The following CDH10 variants were observed in gnomAD, a reference collection of about 807,000 sequenced individuals.
CDH10 encodes cadherin-10.
A neutral mutation model predicts 73.1 loss-of-function variants in CDH10; 30 were observed. The ratio of observed to expected loss-of-function variants is 0.41; its 90% CI spans 0.31 to 0.56. The LOEUF is 0.56. Ranked by LOEUF, CDH10 falls within the 20% of genes least tolerant of loss-of-function variation. CDH10 has a pLI of 0.27. For missense variants in CDH10, 815 were observed against 973.7 expected, an observed-to-expected ratio of 0.84 and a Z score of 2.17; for synonymous variants, 345 against 348.2, an observed-to-expected ratio of 0.99 and a Z score of 0.10.
chr5:24,633,253 A>G (rs1747761541), intron 1 of CDH10, among the ~76,000 whole-genome samples: 1 of 151,814 alleles, frequency 6.6e-6, no homozygotes, highest in South Asian at 2.1e-4. Flanking sequence ...TACTAGTAAA[A>G]TTACAAGCAG....
chr5:24,526,826 C>A (rs1258959793), intron 5 of CDH10, among the ~76,000 whole-genome samples: 1 of 151,704 alleles, frequency 6.6e-6, no homozygotes, highest in Non-Finnish European at 1.5e-5. Flanking sequence ...AGCATTTTAT[C>A]TTTTTATTCA....
intron 1 of CDH10, among the ~76,000 whole-genome samples, chr5:24,620,821 A>G (rs1459136778): frequency 6.6e-6 from 1 of 152,164 alleles, no homozygotes; most frequent in South Asian, 2.1e-4. Context: ...TGTTGACAGA[A>G]GAGGCACAAA....
chr5:24,548,370 C>G (rs573935960), intron 2 of CDH10, among the ~76,000 whole-genome samples: 1 of 151,990 alleles, frequency 6.6e-6, no homozygotes, highest in South Asian at 2.1e-4. Flanking sequence ...ATACACCTGC[C>G]TTGGCCTCCC....
chr5:24,586,150 A>G (rs1745986186), intron 2 of CDH10, among the ~76,000 whole-genome samples: 1 of 152,198 alleles, frequency 6.6e-6, no homozygotes. Context: ...TTCCTACTTG[A>G]TAATATACCT....
chr5:24,535,292 T>A lies in CDH10; in HGVS notation c.647-13A>T. 3 of 1,595,484 alleles carry A rather than the reference T, an allele frequency of 1.9e-6. No homozygotes were observed. Among genetic ancestry groups the A allele is most frequent in the South Asian group, 2.3e-5 (2 of 86,982 alleles). On this transcript the variant is annotated splice_polypyrimidine_tract_variant and intron_variant, in intron 4 of 11. Coordinates refer to ENST00000264463, the MANE Select transcript of CDH10 (RefSeq NM_006727.5). ...GTCCTGATGATACCTTGAGAAAATA[T>A]AAAAAAACTTCCATTATCTTCACTG...
chr5:24,624,283 C>A (rs552060135), intron 1 of CDH10, among the ~76,000 whole-genome samples: 2 of 152,100 alleles, frequency 1.3e-5, no homozygotes, highest in Non-Finnish European at 2.9e-5. Flanking sequence ...AAAGTAAACT[C>A]TATGAGGTCA....
chr5:24,638,709 C>G (rs1237781343), intron 1 of CDH10, among the ~76,000 whole-genome samples: 6 of 151,694 alleles, frequency 4.0e-5, no homozygotes, highest in African/African-American at 1.5e-4. Context: ...TTCAAGACTA[C>G]AGAGCAGGAC....
At chr5:24,583,781 A>G (rs914391698) in intron 2 of CDH10, among the ~76,000 whole-genome samples, 2 of 152,110 alleles carry the variant, frequency 1.3e-5, no homozygotes, top group Non-Finnish European at 2.9e-5. Context: ...AATAGCTGGG[A>G]TTACAGGCAT....
Position 24,537,530 on chromosome 5 carries a change from T to C in CDH10, c.376A>G (p.Thr126Ala), listed in dbSNP as rs2111894993. ...RIDREEKAFY[T>A]LRAQAINRRT... is the part of the protein sequence containing the mutation. The stretch of plus-strand genomic sequence containing the variant: ...CTGTTAATAGCTTGTGCGCGTAGAG[T>C]ATAAAAGGCCTTTTCCTCCCTATCA... Residue 126 changes from threonine (T) to alanine (A), a missense_variant, in exon 3 of 12, where the codon ACT becomes GCT. This residue lies in a region of CDH10 where 516 missense variants were observed against 636.6 expected (regional missense o/e 0.81). Transcript: ENST00000264463. The C allele has an allele frequency of 6.2e-7, 1 of 1,613,316 alleles. No homozygotes were observed. Among genetic ancestry groups the C allele is most frequent in the Non-Finnish European group, 8.5e-7 (1 of 1,179,552 alleles).
intron 2 of CDH10, among the ~76,000 whole-genome samples, chr5:24,588,942 C>T (rs1357292073): frequency 6.6e-6 from 1 of 152,142 alleles, no homozygotes; most frequent in Non-Finnish European, 1.5e-5. Context: ...TTTATTTTCA[C>T]TGTATTTACA....
At chr5:24,561,872 G>A (rs1744969836) in intron 2 of CDH10, among the ~76,000 whole-genome samples, 1 of 152,104 alleles carries the variant, frequency 6.6e-6, no homozygotes, top group Non-Finnish European at 1.5e-5. Flanking sequence ...AACATTAAGA[G>A]AGGCCAGGCT....
rs2111698788 is a variant in CDH10 at position 24,500,602 on chromosome 5, A to G, written c.1394-2083T>C. 2.0e-5 allele frequency among the ~76,000 whole-genome samples: 3 copies of G among 152,318 alleles called. No individual in the cohort carries two copies. In the Middle Eastern group the frequency reaches 0.01, roughly 518 times the overall value. ...TATGTTACTTTGGCCAATTTACTCC[A>G]CATATTCAATGTCTTGGTTTACTCA... On this transcript the variant is annotated intron_variant, in intron 8 of 11. Coordinates refer to ENST00000264463, the MANE Select transcript of CDH10 (RefSeq NM_006727.5).
chr5:24,540,140 C>A (rs1353420733), intron 2 of CDH10, among the ~76,000 whole-genome samples: 1 of 151,896 alleles, frequency 6.6e-6, no homozygotes, highest in East Asian at 1.9e-4. Context: ...ATTCACAAGA[C>A]AGCCCCTAAA....
In CDH10 at chr5:24,491,620, G is replaced by A. The variant is rs2111636870; in HGVS notation, c.1832C>T (p.Thr611Ile). ...GAGGAGGATGGCGATCAAGGCCCCA[G>A]TGCTGAGGCCGGCAGGGAGGAGCAG... ...EALLLPAGLS[T>I]GALIAILLCI... Residue 611 changes from threonine (T) to isoleucine (I), a missense_variant, in exon 11 of 12, where the codon ACT becomes ATT. This residue lies in a region of CDH10 where 241 missense variants were observed against 240.3 expected (regional missense o/e 1.00). Coordinates refer to ENST00000264463, the MANE Select transcript of CDH10 (RefSeq NM_006727.5). 6.2e-7 allele frequency: 1 copy of A among 1,613,920 alleles called. No homozygotes were observed. The highest frequency in any genetic ancestry group is 8.5e-7 in the Non-Finnish European group (1 of 1,179,878).
At chr5:24,577,762 C>T (rs990227898) in intron 2 of CDH10, among the ~76,000 whole-genome samples, 7 of 152,112 alleles carry the variant, frequency 4.6e-5, no homozygotes, top group Admixed American at 3.9e-4. Context: ...TATAGGACGG[C>T]CATGCTCCTC....
At chr5:24,566,162 C>T (rs1028074622) in intron 2 of CDH10, among the ~76,000 whole-genome samples, 1 of 152,120 alleles carries the variant, frequency 6.6e-6, no homozygotes, top group African/African-American at 2.4e-5. Context: ...CATTCTCATG[C>T]CTCAGCCTAC....
chr5:24,551,209 A>G (rs1744529181), intron 2 of CDH10, among the ~76,000 whole-genome samples: 1 of 152,156 alleles, frequency 6.6e-6, no homozygotes, highest in Admixed American at 6.5e-5. Context: ...TTTTGCATTT[A>G]CTATTCCATG....
intron 2 of CDH10, among the ~76,000 whole-genome samples, chr5:24,584,445 CTTTTTTTT>C (rs34192671): frequency 1.1e-4 from 3 of 28,082 alleles, no homozygotes; most frequent in African/African-American, 1.8e-4. Context: ...CTTTCTTTTC[CTTTTTTTT>C]TTTTTTTTTT....
chr5:24,516,972 A>C (rs1165520014), intron 5 of CDH10, among the ~76,000 whole-genome samples: 4 of 152,082 alleles, frequency 2.6e-5, no homozygotes, highest in Non-Finnish European at 5.9e-5. Context: ...TATTTGAAAT[A>C]AATCTAATTA....
Sources: allele counts gnomAD v4.1 joint callset (sites outside exome capture counted in the v4.1 genomes callset), GRCh38; gene constraint gnomAD v4.1.1; regional missense constraint gnomAD v4.1.1; transcripts MANE v1.5; gene names NCBI Gene and HGNC (gene_info 2026-07-23, HGNC 2026-07-21).